Variants in NOX5 observed in about 807,000 individuals in gnomAD.
NOX5 encodes NADPH oxidase, EF-hand calcium binding domain 5.
A neutral mutation model predicts 85.7 loss-of-function variants in NOX5; 76 were observed. The ratio of observed to expected loss-of-function variants is 0.89; its 90% CI spans 0.74 to 1.07. The LOEUF (loss-of-function observed/expected upper bound fraction) is 1.07. Among genes scored for constraint, NOX5 ranks in the 50% least tolerant of loss-of-function variants. The pLI is 0.00. For missense variants in NOX5, 973 were observed against 999.5 expected (o/e 0.97, Z 0.36); for synonymous variants, 405 against 401.4 (o/e 1.01, Z -0.11).
At chr15:69,039,299 G>A (rs1051081048) in intron 9 of NOX5, among the ~76,000 whole-genome samples, 3 of 150,848 alleles carry the variant, frequency 2.0e-5, no homozygotes, top group South Asian at 2.1e-4. Context: ...AGATGGGGAG[G>A]AGGCAGAGGG....
chr15:69,033,118 G>A lies in NOX5; in HGVS notation c.696G>A (p.Trp232Ter). 6.4e-7 allele frequency: 1 copy of A among 1,559,750 alleles called. No homozygotes were observed. Among genetic ancestry groups the A allele is most frequent in the East Asian group, 2.3e-5 (1 of 43,096 alleles). Residue 232 changes from tryptophan (W) to a stop codon, truncating the protein, a stop_gained, in exon 5 of 16, where the codon TGG (tryptophan) becomes TGA (stop). Transcript: ENST00000388866. LOFTEE classifies it high-confidence loss of function. Reference sequence around the variant, plus strand: ...CGCGCCAGCTGACCCGCGCCTACTGGCACAACCACCGCAGCCAGCTGTTCT... The same window carrying A: ...CGCGCCAGCTGACCCGCGCCTACTGACACAACCACCGCAGCCAGCTGTTCT... ...RRPRQLTRAY[W>*]HNHRSQLFCL...
intron 9 of NOX5, 148 bp from the exon 10 acceptor site, chr15:69,042,515 T>C (rs1482010731): frequency 2.7e-6 from 2 of 752,312 alleles, no homozygotes; most frequent in East Asian, 5.5e-5. Context: ...CCTGTGGCTA[T>C]GGCTGCTAGT....
At chr15:69,051,981 A>C (rs2140281081) in intron 14 of NOX5, among the ~76,000 whole-genome samples, 1 of 152,268 alleles carries the variant, frequency 6.6e-6, no homozygotes, top group Middle Eastern at 3.4e-3. Flanking sequence ...TGGGAGGCCA[A>C]GGTAGGAATA....
chr15:69,054,114 T>C (rs991259294), intron 14 of NOX5, among the ~76,000 whole-genome samples: 2 of 152,080 alleles, frequency 1.3e-5, no homozygotes, highest in Non-Finnish European at 2.9e-5. Context: ...GAAATGCTCC[T>C]TCCCACATCC....
chr15:69,046,784 A>T, intron 10 of NOX5, 38 bp from the exon 11 acceptor site: 1 of 1,598,308 alleles, frequency 6.3e-7, no homozygotes. Flanking sequence ...AACACTGTCC[A>T]TTCCAAGACC....
At chr15:69,019,662 G>C (rs2050274797) in intron 1 of NOX5, among the ~76,000 whole-genome samples, 1 of 152,170 alleles carries the variant, frequency 6.6e-6, no homozygotes, top group African/African-American at 2.4e-5. Context: ...CTTCCACACA[G>C]TGCTACTGTA....
At chr15:69,045,376 A>C (rs1202058236) in intron 10 of NOX5, among the ~76,000 whole-genome samples, 1 of 152,210 alleles carries the variant, frequency 6.6e-6, no homozygotes, top group Non-Finnish European at 1.5e-5. Context: ...CTGAAAGTAA[A>C]AACAATGAGA....
rs1014066907 is a variant in NOX5 at position 69,062,026 on chromosome 15, C to T, written c.*5330C>T. 1.8e-4 allele frequency: 28 copies of T among 152,070 alleles called. No individual in the cohort carries two copies. The highest frequency in any genetic ancestry group is 6.5e-4 in the African/African-American group (27 of 41,406). 9.4% of individuals were successfully genotyped at this position (152,070 alleles called of 1,614,324 possible). A position where few individuals can be genotyped will look rare whatever the true frequency, so the allele number is the denominator to read the frequency against. On this transcript the variant is annotated 3_prime_UTR_variant, in exon 16 of 16. Transcript: ENST00000388866. The stretch of plus-strand genomic sequence containing the variant: ...CCCAGTGACTAGAATAGCGTCACCA[C>T]CTAGTAGGTGCTTGGCGTGTTTCAT...
chr15:69,049,147 C>A (rs899207206), intron 14 of NOX5, 89 bp downstream of exon 14: 2 of 746,100 alleles, frequency 2.7e-6, no homozygotes, highest in East Asian at 3.0e-5. Context: ...ATGAAACTCA[C>A]GTAACCTAAA....
intron 10 of NOX5, among the ~76,000 whole-genome samples, chr15:69,043,149 A>G (rs1237984436): frequency 6.6e-6 from 1 of 152,226 alleles, no homozygotes; most frequent in African/African-American, 2.4e-5. Context: ...ATAAAATAGA[A>G]GTCGTTTCCT....
intron 7 of NOX5, 67 bp from the exon 8 acceptor site, chr15:69,036,961 G>A (rs371756168): frequency 7.7e-7 from 1 of 1,296,560 alleles, no homozygotes; most frequent in Non-Finnish European, 1.1e-6. Context: ...ATAACCCTGA[G>A]TCCTGGCTCT....
At chr15:69,051,279 C>G (rs905083145) in intron 14 of NOX5, among the ~76,000 whole-genome samples, 1 of 152,202 alleles carries the variant, frequency 6.6e-6, no homozygotes, top group Non-Finnish European at 1.5e-5. Flanking sequence ...AATGATAGTC[C>G]CGTGCCACCT....
chr15:69,021,369 GACAGCA>G (rs1270649147), intron 1 of NOX5, among the ~76,000 whole-genome samples: 66 of 141,896 alleles, frequency 4.7e-4, no homozygotes, highest in African/African-American at 1.7e-3. Flanking sequence ...TTTTTTTTGA[GACAGCA>G]TCTGTGATCT....
intron 14 of NOX5, among the ~76,000 whole-genome samples, chr15:69,049,721 C>A (rs968069478): frequency 6.6e-6 from 1 of 152,130 alleles, no homozygotes; most frequent in Admixed American, 6.5e-5. Flanking sequence ...CACCCCAGAT[C>A]TTCCAAATCA....
At chr15:69,045,289 C>T (rs2050647477) in intron 10 of NOX5, among the ~76,000 whole-genome samples, 1 of 152,222 alleles carries the variant, frequency 6.6e-6, no homozygotes, top group Non-Finnish European at 1.5e-5. Context: ...TTACTTTAAA[C>T]TTAATTGTAT....
In NOX5 at chr15:69,031,946, CTT is replaced by C. The variant is rs562757708; in HGVS notation, c.620+135_620+136del. ...CCGCCCCTCCCCAGTTTAGCCCACT[CTT>C]GAGTGTACTGCAGGGCAGCTGTCTT... is the stretch of plus-strand genomic sequence containing the variant. On this transcript the variant is annotated intron_variant, in intron 4 of 15. Transcript: ENST00000388866. 383 of 849,042 alleles carry C rather than the reference CTT, an allele frequency of 4.5e-4. No homozygotes were observed. In the African/African-American group the frequency reaches 5.9e-3, roughly 13 times the overall value. The allele number at this position is 849,042 out of a possible 1,614,324, so 52.6% of individuals were successfully genotyped here. A position where few individuals can be genotyped will look rare whatever the true frequency, so the allele number is the denominator to read the frequency against.
chr15:69,041,251 T>G (rs2140269788), intron 9 of NOX5, among the ~76,000 whole-genome samples: 1 of 152,276 alleles, frequency 6.6e-6, no homozygotes, highest in South Asian at 2.1e-4. Flanking sequence ...TGCTGATGCC[T>G]TAATGAAGGA....
intron 1 of NOX5, among the ~76,000 whole-genome samples, chr15:69,020,067 G>GT (rs1449319897): frequency 6.6e-6 from 1 of 152,116 alleles, no homozygotes; most frequent in Non-Finnish European, 1.5e-5. Flanking sequence ...GCTGGTTTCT[G>GT]TTTGTTTGTT....
intron 1 of NOX5, chr15:69,022,846 A>G (rs2050311222): frequency 3.1e-6 from 1 of 326,822 alleles, no homozygotes; most frequent in Non-Finnish European, 6.0e-6. Context: ...TTGTTCCTGG[A>G]TGAGCCCACA....
Sources: gnomAD v4.1 joint callset for allele counts (sites outside exome capture counted in the v4.1 genomes callset) on GRCh38, gnomAD v4.1.1 for gene constraint, MANE v1.5 for transcripts, NCBI Gene and HGNC (gene_info 2026-07-23, HGNC 2026-07-21) for gene names.